The following PRSS38 variants were observed in gnomAD, a reference collection of about 807,000 sequenced individuals.
The protein encoded by PRSS38 is marapsin 2.
A neutral mutation model predicts 26.8 loss-of-function variants in PRSS38; 22 were observed. The observed-to-expected ratio is 0.82, with a 90% CI of 0.59 to 1.17. The LOEUF is 1.17. PRSS38 is among the 50% of genes most tolerant of loss of function. The probability of loss-of-function intolerance (pLI) is 0.00; values close to 1 mark genes in which losing one functional copy is unlikely to be tolerated. For synonymous variants in PRSS38, 175 were observed against 172.1 expected (o/e 1.02, Z -0.13); for missense variants, 427 against 422.7 (o/e 1.01, Z -0.09).
chr1:227,827,064 G>C (rs12071820), intron 3 of PRSS38, among the ~76,000 whole-genome samples: 17,690 of 152,168 alleles, frequency 0.12, 1,327 homozygotes, highest in East Asian at 0.22. Context: ...TTGATGTGCT[G>C]CTGGATTCGG....
chr1:227,828,526 C>T (rs955760607), intron 3 of PRSS38, among the ~76,000 whole-genome samples: 1 of 152,184 alleles, frequency 6.6e-6, no homozygotes, highest in African/African-American at 2.4e-5. Flanking sequence ...TCCAGCCTGC[C>T]AGTCGCGATA....
chr1:227,837,674 C>T (rs527946576), intron 3 of PRSS38, among the ~76,000 whole-genome samples: 2 of 152,110 alleles, frequency 1.3e-5, no homozygotes, highest in South Asian at 2.1e-4. Context: ...CTGCCAAACA[C>T]GTTTCTAAAG....
intron 3 of PRSS38, among the ~76,000 whole-genome samples, chr1:227,838,336 C>T (rs1421753918): frequency 6.6e-6 from 1 of 152,218 alleles, no homozygotes; most frequent in East Asian, 1.9e-4. Flanking sequence ...GTGGTGGCGT[C>T]ATGCCTGCTG....
rs1664920890 is a variant in PRSS38 at position 227,816,517 on chromosome 1, T to C, written c.311+265T>C. Reference sequence around the variant, plus strand: ...CCCCAAGATCACAGCCAGGTCCTCATATGCAAGGCTGATCCCCTAAGTGTA... The same window carrying C: ...CCCCAAGATCACAGCCAGGTCCTCACATGCAAGGCTGATCCCCTAAGTGTA... On this transcript the variant is annotated intron_variant, in intron 2 of 4. Coordinates refer to ENST00000366757, the Ensembl canonical transcript of PRSS38. The surrounding 1 kb of genome is among the most constrained non-coding windows in gnomAD (Gnocchi z 5.1). 6.6e-6 allele frequency among the ~76,000 whole-genome samples: 1 copy of C among 151,154 alleles called. No individual in the cohort carries two copies. The highest frequency in any genetic ancestry group is 1.5e-5 in the Non-Finnish European group (1 of 67,792).
In PRSS38 at chr1:227,822,737, G is replaced by A. The variant is rs540514888; in HGVS notation, c.583+5257G>A. On this transcript the variant is annotated intron_variant, in intron 3 of 4. Transcript: ENST00000366757. ...TCTCTTCTTATGATCTTTGCAGGTT[G>A]GTCTGTGCCAAGGCACTTTTTCAAT... Among the ~76,000 whole-genome samples, 3 of 152,252 alleles carry A rather than the reference G, an allele frequency of 2.0e-5. No individual in the cohort carries two copies. The South Asian group carries it at 6.2e-4, about 32-fold the overall frequency.
chr1:227,821,973 C>T (rs1347631397), intron 3 of PRSS38, among the ~76,000 whole-genome samples: 2 of 152,108 alleles, frequency 1.3e-5, no homozygotes, highest in African/African-American at 4.8e-5. Context: ...ATATGTGGTT[C>T]ATTTGATGGT....
chr1:227,816,253 G>T lies in PRSS38; in HGVS notation c.311+1G>T. On this transcript the variant is annotated splice_donor_variant, in intron 2 of 4. Coordinates refer to ENST00000366757, the Ensembl canonical transcript of PRSS38. LOFTEE classifies it high-confidence loss of function. The surrounding 1 kb of genome is among the most constrained non-coding windows in gnomAD (Gnocchi z 5.1). ...TGTCAGCTGCGCACTGCTTTCACAG[G>T]TAAGCGGGCGCCGGCCTGGGATGGT... 1 of 1,609,138 alleles carries T rather than the reference G, an allele frequency of 6.2e-7. No individual in the cohort carries two copies. Among genetic ancestry groups the T allele is most frequent in the East Asian group, 2.2e-5 (1 of 44,704 alleles).
intron 3 of PRSS38, among the ~76,000 whole-genome samples, chr1:227,842,628 G>T (rs1397591061): frequency 2.6e-5 from 4 of 151,378 alleles, no homozygotes; most frequent in Non-Finnish European, 4.4e-5. Context: ...TGCTCAGGCT[G>T]GAGTGCAATG....
Position 227,829,568 on chromosome 1 carries a change from A to G in PRSS38, c.583+12088A>G, listed in dbSNP as rs143687776. Among the ~76,000 whole-genome samples the G allele has an allele frequency of 4.6e-5, 7 of 152,338 alleles. No individual in the cohort carries two copies. The East Asian group carries it at 1.3e-3, about 29-fold the overall frequency. Reference sequence around the variant, plus strand: ...TTTATTGTACATATGTTTACTATATACAGTATATTGTATATAGTTTATGAT... The same window carrying G: ...TTTATTGTACATATGTTTACTATATGCAGTATATTGTATATAGTTTATGAT... On this transcript the variant is annotated intron_variant, in intron 3 of 4. Coordinates refer to ENST00000366757, the Ensembl canonical transcript of PRSS38.
At chr1:227,826,860 A>C (rs1665081138) in intron 3 of PRSS38, among the ~76,000 whole-genome samples, 1 of 152,152 alleles carries the variant, frequency 6.6e-6, no homozygotes, top group Non-Finnish European at 1.5e-5. Flanking sequence ...TGTTCCTTCA[A>C]CACCTAGTTT....
intron 3 of PRSS38, among the ~76,000 whole-genome samples, chr1:227,818,582 G>A (rs947402156): frequency 6.7e-5 from 10 of 149,476 alleles, no homozygotes; most frequent in South Asian, 2.1e-4. Context: ...GGAGGCTAAC[G>A]TGGAAAGATC....
intron 3 of PRSS38, among the ~76,000 whole-genome samples, chr1:227,822,616 G>A (rs1665018473): frequency 6.6e-6 from 1 of 152,220 alleles, no homozygotes; most frequent in Non-Finnish European, 1.5e-5. Flanking sequence ...TTTCTCATGT[G>A]TGGTCACTGA....
chr1:227,826,998 C>T (rs932161972), intron 3 of PRSS38, among the ~76,000 whole-genome samples: 3 of 152,092 alleles, frequency 2.0e-5, no homozygotes, highest in Admixed American at 6.6e-5. Context: ...TTGCGTATGT[C>T]GAATCACCCT....
At chr1:227,828,614 G>A (rs1233554690) in intron 3 of PRSS38, among the ~76,000 whole-genome samples, 2 of 152,196 alleles carry the variant, frequency 1.3e-5, no homozygotes, top group African/African-American at 4.8e-5. Context: ...CAACTCAGCT[G>A]TTCCAGCCTG....
exon 1 of PRSS38, chr1:227,815,805 T>C: frequency 6.2e-7 from 1 of 1,612,164 alleles, no homozygotes; most frequent in South Asian, 1.1e-5. Flanking sequence ...CCTCCCCGGG[T>C]CGCAGCATTG....
chr1:227,828,943 T>G (rs1296047930), intron 3 of PRSS38, among the ~76,000 whole-genome samples: 1 of 152,158 alleles, frequency 6.6e-6, no homozygotes, highest in Non-Finnish European at 1.5e-5. Flanking sequence ...ATCTGCTGGT[T>G]GCAATGATTC....
At chr1:227,836,164 A>C (rs920883927) in intron 3 of PRSS38, among the ~76,000 whole-genome samples, 2 of 151,956 alleles carry the variant, frequency 1.3e-5, no homozygotes, top group African/African-American at 4.8e-5. Flanking sequence ...AGTAATATGA[A>C]CACAGCTTAT....
chr1:227,818,111 TC>T, intron 3 of PRSS38, among the ~76,000 whole-genome samples: 1 of 152,202 alleles, frequency 6.6e-6, no homozygotes, highest in Non-Finnish European at 1.5e-5. Flanking sequence ...TTTCTTGTCT[TC>T]TTACAATGGT....
chr1:227,815,879 AG>A lies in PRSS38; in HGVS notation c.148+19del. 1 of 1,590,234 alleles carries A rather than the reference AG, an allele frequency of 6.3e-7. No individual in the cohort carries two copies. The highest frequency in any genetic ancestry group is 8.6e-7 in the Non-Finnish European group (1 of 1,163,952). On this transcript the variant is annotated intron_variant, in intron 1 of 4. Transcript: ENST00000366757. ...TGGCAGCGTGGGTAGGCCCTGCCCC[AG>A]GGGCGGATGGGCGGCTGGAGACAGT...
Sources: allele counts gnomAD v4.1 joint callset (sites outside exome capture counted in the v4.1 genomes callset), GRCh38; gene constraint gnomAD v4.1.1; non-coding constraint Gnocchi (gnomAD v3.1); transcripts MANE v1.5; gene names NCBI Gene and HGNC (gene_info 2026-07-23, HGNC 2026-07-21).